CNTNAP2: variants seen among roughly 807,000 people sequenced by gnomAD.
The protein encoded by CNTNAP2 is contactin-associated protein-like 2.
Under a neutral mutation model 155.2 loss-of-function variants are expected in CNTNAP2, and 98 were observed. The observed-to-expected ratio is 0.63, with a 90% CI of 0.54 to 0.75. CNTNAP2 has a LOEUF of 0.75. Among genes scored for constraint, CNTNAP2 ranks in the 30% least tolerant of loss-of-function variants. The pLI, the probability that CNTNAP2 is intolerant of heterozygous loss-of-function variation, is 0.00. For missense variants in CNTNAP2, 1,727 were observed against 1,688.1 expected, an observed-to-expected ratio of 1.02 and a Z score of -0.40; for synonymous variants, 651 against 631.2, an observed-to-expected ratio of 1.03 and a Z score of -0.47.
chr7:147,073,574 G>T (rs1481666751), intron 4 of CNTNAP2, among the ~76,000 whole-genome samples: 1 of 152,172 alleles, frequency 6.6e-6, no homozygotes, highest in Non-Finnish European at 1.5e-5. Flanking sequence ...GAGAAAAGAA[G>T]AGCATCTAAG....
At chr7:147,115,073 T>C (rs1800958272) in intron 5 of CNTNAP2, among the ~76,000 whole-genome samples, 1 of 152,230 alleles carries the variant, frequency 6.6e-6, no homozygotes, top group Non-Finnish European at 1.5e-5. Context: ...TTATGAAGCT[T>C]AGTTTGACTG....
intron 13 of CNTNAP2, among the ~76,000 whole-genome samples, chr7:147,902,402 T>A (rs1389563386): frequency 6.6e-6 from 1 of 151,868 alleles, no homozygotes; most frequent in African/African-American, 2.4e-5. Flanking sequence ...AAAGCTTTTT[T>A]AAAAAAAACA....
chr7:148,303,137 T>C (rs910170977), intron 21 of CNTNAP2, among the ~76,000 whole-genome samples: 1 of 152,128 alleles, frequency 6.6e-6, no homozygotes, highest in Non-Finnish European at 1.5e-5. Context: ...AATGGACTAA[T>C]ACACCATGGT....
At chr7:147,135,142 T>A (rs1179402624) in intron 8 of CNTNAP2, among the ~76,000 whole-genome samples, 3 of 151,882 alleles carry the variant, frequency 2.0e-5, no homozygotes, top group African/African-American at 2.4e-5. Context: ...ATCTTACAAG[T>A]AAAATAATGT....
chr7:147,292,167 G>A (rs1000472914), intron 8 of CNTNAP2, among the ~76,000 whole-genome samples: 2 of 152,022 alleles, frequency 1.3e-5, no homozygotes, highest in Admixed American at 1.3e-4. Context: ...AAAATATTCT[G>A]TTTTCTTAGG....
chr7:146,799,898 G>A (rs190694397), intron 2 of CNTNAP2, among the ~76,000 whole-genome samples: 63 of 152,150 alleles, frequency 4.1e-4, no homozygotes, highest in Non-Finnish European at 8.1e-4. Context: ...ATAAAATTTA[G>A]TAAAATTCCT....
chr7:148,129,786 G>A (rs530636196), intron 16 of CNTNAP2, among the ~76,000 whole-genome samples: 5 of 152,150 alleles, frequency 3.3e-5, no homozygotes, highest in East Asian at 1.9e-4. Flanking sequence ...TGAACAATTC[G>A]GCAAACCTGC....
At position 148,177,632 on chromosome 7, in the gene CNTNAP2, T is replaced by G. The variant is rs534621812; in HGVS notation, c.3010+5154T>G. On this transcript the variant is annotated intron_variant, in intron 18 of 23. Transcript: ENST00000361727. ...AGCTTTCTAATTGTGTTAGCATCGT[T>G]TAATCCTCACCACAACCTGGTGAAA... Among the ~76,000 whole-genome samples, 14 of 152,312 alleles carry G rather than the reference T, an allele frequency of 9.2e-5. No homozygotes were observed. In the East Asian group the frequency reaches 2.3e-3, roughly 25 times the overall value.
intron 1 of CNTNAP2, among the ~76,000 whole-genome samples, chr7:146,712,391 A>AGTATATATATCTTATG (rs1293782028): frequency 7.6e-6 from 1 of 132,170 alleles, no homozygotes; most frequent in Non-Finnish European, 1.7e-5. Context: ...TATACTATAT[A>AGTATATATATCTTATG]TATAAATAAA....
chr7:148,097,390 A>T (rs1448011765), intron 15 of CNTNAP2, among the ~76,000 whole-genome samples: 1 of 151,594 alleles, frequency 6.6e-6, no homozygotes, highest in African/African-American at 2.4e-5. Flanking sequence ...AAAAATAAAA[A>T]AATTAAATAG....
chr7:148,395,852 T>TGAGC (rs1799455119), intron 22 of CNTNAP2, among the ~76,000 whole-genome samples: 1 of 152,204 alleles, frequency 6.6e-6, no homozygotes, highest in African/African-American at 2.4e-5. Flanking sequence ...AACATACAGC[T>TGAGC]TTGGAACTAT....
intron 2 of CNTNAP2, among the ~76,000 whole-genome samples, chr7:146,832,627 A>G (rs1379910612): frequency 2.0e-5 from 3 of 148,276 alleles, no homozygotes; most frequent in Non-Finnish European, 4.5e-5. Context: ...TATATATTAT[A>G]AATTTATATG....
intron 15 of CNTNAP2, among the ~76,000 whole-genome samples, chr7:148,088,405 C>T (rs777099575): frequency 1.3e-5 from 2 of 150,580 alleles, no homozygotes; most frequent in Non-Finnish European, 3.0e-5. Flanking sequence ...AAAAAATAAA[C>T]AAAATCAATA....
At chr7:146,585,765 G>A (rs7807284) in intron 1 of CNTNAP2, among the ~76,000 whole-genome samples, 2 of 145,130 alleles carry the variant, frequency 1.4e-5, no homozygotes, top group East Asian at 2.1e-4. Flanking sequence ...AGAAAGAAAG[G>A]AAAGAAAGAA....
chr7:147,711,017 A>G (rs1022554467), intron 13 of CNTNAP2, among the ~76,000 whole-genome samples: 1 of 152,318 alleles, frequency 6.6e-6, no homozygotes, highest in East Asian at 1.9e-4. Context: ...ACTCAGCAAG[A>G]CATTTGACAT....
intron 1 of CNTNAP2, among the ~76,000 whole-genome samples, chr7:146,622,263 CTATCTATCTATCTATCTATA>C (rs1799337793): frequency 7.5e-6 from 1 of 133,628 alleles, no homozygotes; most frequent in Non-Finnish European, 1.6e-5. Flanking sequence ...ATCTATCTAT[CTATCTATCTATCTATCTATA>C]TATATATATG....
chr7:146,496,479 A>G (rs1797216734), intron 1 of CNTNAP2, among the ~76,000 whole-genome samples: 1 of 152,182 alleles, frequency 6.6e-6, no homozygotes, highest in South Asian at 2.1e-4. Context: ...AACAATTGAA[A>G]CTAAAATAAA....
intron 3 of CNTNAP2, among the ~76,000 whole-genome samples, chr7:146,947,795 A>T (rs1797221334): frequency 6.6e-6 from 1 of 151,344 alleles, no homozygotes; most frequent in Non-Finnish European, 1.5e-5. Context: ...AGTCCCAGCT[A>T]CTCAGGAGAC....
rs532042178 is a variant in CNTNAP2, at chr7:147,217,416, A to AT, written c.1349-82719dup. Reference sequence around the variant, plus strand: ...CTGCATTTATTAATATACTTATGTGATTTTTTAAATTTAGTTTGTTGATGT... The same window carrying AT: ...CTGCATTTATTAATATACTTATGTGATTTTTTTAAATTTAGTTTGTTGATGT... On this transcript the variant is annotated intron_variant, in intron 8 of 23. Transcript: ENST00000361727. Among the ~76,000 whole-genome samples the AT allele has an allele frequency of 3.7e-4, 56 of 151,812 alleles. 1 individual carries two copies. In the South Asian group the frequency reaches 8.9e-3, roughly 24 times the overall value.
Sources: gnomAD v4.1 joint callset for allele counts (sites outside exome capture counted in the v4.1 genomes callset) on GRCh38, gnomAD v4.1.1 for gene constraint, MANE v1.5 for transcripts, NCBI Gene and HGNC (gene_info 2026-07-23, HGNC 2026-07-21) for gene names.